VTI1B: variants seen among roughly 807,000 people sequenced by gnomAD.
VTI1B encodes vesicle transport through interaction with t-SNAREs homolog 1B.
In VTI1B, 18 loss-of-function variants were observed where a neutral mutation model predicts 28.6. The observed-to-expected ratio is 0.63, with a 90% CI of 0.43 to 0.93. The LOEUF (loss-of-function observed/expected upper bound fraction) is 0.93. Among genes scored for constraint, VTI1B ranks in the 40% least tolerant of loss-of-function variants. The probability of loss-of-function intolerance (pLI) is 0.00; values close to 1 mark genes in which losing one functional copy is unlikely to be tolerated. For missense variants in VTI1B, 283 were observed against 297.0 expected (o/e 0.95, Z 0.35); for synonymous variants, 100 against 107.9 (o/e 0.93, Z 0.46).
rs74386958 is a variant in VTI1B, at chr14:67,655,168, C to T, written c.540+1248G>A. 5.9e-5 allele frequency among the ~76,000 whole-genome samples: 9 copies of T among 151,992 alleles called. No homozygotes were observed. The South Asian group carries it at 8.3e-4, about 14-fold the overall frequency. On this transcript the variant is annotated intron_variant, in intron 4 of 5. Coordinates refer to ENST00000554659, the MANE Select transcript of VTI1B (RefSeq NM_006370.3). ...CAACTTTGGCAACATAATGAGACCC[C>T]GTTTTTACAAAAAATTAAAACAATT...
intron 4 of VTI1B, among the ~76,000 whole-genome samples, chr14:67,653,837 T>G (rs1031612215): frequency 6.6e-6 from 1 of 152,236 alleles, no homozygotes; most frequent in Non-Finnish European, 1.5e-5. Flanking sequence ...ACTTAAGATT[T>G]GAATTTCATC....
At position 67,674,418 on chromosome 14, in the gene VTI1B, G is replaced by A; in HGVS notation, c.72C>T (p.Asp24=). The A allele has an allele frequency of 1.2e-6, 2 of 1,607,894 alleles. No homozygotes were observed. Among genetic ancestry groups the A allele is most frequent in the Non-Finnish European group, 8.5e-7 (1 of 1,178,360 alleles). The change falls in exon 1 of 6, where the codon GAC becomes GAT. Residue 24 remains aspartate, a synonymous_variant. Coordinates refer to ENST00000554659, the MANE Select transcript of VTI1B (RefSeq NM_006370.3). The stretch of plus-strand genomic sequence containing the variant: ...GCAGCCGCTCGGGCACCCCTTGTAG[G>A]TCTTCATGGAGGCCGCGGAAGATCT... ...LHEIFRGLHE[D]LQGVPERLLG...
intron 1 of VTI1B, 74 bp downstream of exon 1, chr14:67,674,301 A>G (rs2037505856): frequency 3.7e-6 from 5 of 1,364,610 alleles, no homozygotes; most frequent in African/African-American, 1.5e-5. Context: ...CGGGTCTGGG[A>G]GGAAGGTGGG....
intron 2 of VTI1B, 141 bp from the exon 3 acceptor site, chr14:67,660,063 C>T: frequency 1.2e-6 from 1 of 819,878 alleles, no homozygotes; most frequent in East Asian, 2.8e-5. Context: ...AGGCAGGGAC[C>T]ATGTCTGGCA....
chr14:67,674,466 C>A lies in VTI1B; in HGVS notation c.24G>T (p.Ser8=). The change falls in exon 1 of 6, where the codon TCG becomes TCT. Residue 8 remains serine, a synonymous_variant. Transcript: ENST00000554659. The part of the protein sequence containing the change: MASSAAS[S]EHFEKLHEIF... ...TCTCGTGCAGCTTCTCGAAATGCTCCGAGGAGGCGGCGGAGGAGGCCATGG... is the reference window on the plus strand; with the variant it reads ...TCTCGTGCAGCTTCTCGAAATGCTCAGAGGAGGCGGCGGAGGAGGCCATGG... The A allele has an allele frequency of 6.2e-7, 1 of 1,607,696 alleles. No homozygotes were observed.
At chr14:67,658,863 C>T (rs1381571543) in intron 3 of VTI1B, among the ~76,000 whole-genome samples, 3 of 152,200 alleles carry the variant, frequency 2.0e-5, no homozygotes, top group African/African-American at 7.2e-5. Context: ...AAGCCAATAT[C>T]ATCCTGAATA....
At chr14:67,663,552 T>G (rs1201014627) in intron 1 of VTI1B, among the ~76,000 whole-genome samples, 1 of 151,310 alleles carries the variant, frequency 6.6e-6, no homozygotes, top group Non-Finnish European at 1.5e-5. Context: ...TGGGCGCCTG[T>G]ATTCCCAGCT....
intron 1 of VTI1B, among the ~76,000 whole-genome samples, chr14:67,672,300 G>A (rs2037474073): frequency 1.3e-5 from 2 of 151,486 alleles, no homozygotes; most frequent in African/African-American, 2.4e-5. Context: ...TTTATTTTTT[G>A]TAGAGATGAG....
At chr14:67,669,314 G>C (rs1262832823) in intron 1 of VTI1B, among the ~76,000 whole-genome samples, 1 of 150,174 alleles carries the variant, frequency 6.7e-6, no homozygotes, top group Non-Finnish European at 1.5e-5. Flanking sequence ...CTGTCACCCA[G>C]GTTGGAGTGC....
At chr14:67,657,957 C>G (rs150015048) in intron 3 of VTI1B, among the ~76,000 whole-genome samples, 2,387 of 152,076 alleles carry the variant, frequency 0.016, 75 homozygotes, top group African/African-American at 0.054. Flanking sequence ...CCATGTTGGC[C>G]AGGCTGGTCT....
At position 67,650,789 on chromosome 14, in the gene VTI1B, G is replaced by A. The variant is rs2037163881; in HGVS notation, c.*596C>T. The A allele has an allele frequency of 6.2e-7, 1 of 1,614,072 alleles. No homozygotes were observed. On this transcript the variant is annotated 3_prime_UTR_variant, in exon 6 of 6. Transcript: ENST00000554659. ...CTCAGAGGAAGAGGCGAAGACTACA[G>A]CTAACCTGGCAGTAGATGTGATTGC...
In VTI1B at chr14:67,651,031, C is replaced by T. The variant is rs1321655219; in HGVS notation, c.*354G>A. On this transcript the variant is annotated 3_prime_UTR_variant, in exon 6 of 6. Coordinates refer to ENST00000554659, the MANE Select transcript of VTI1B (RefSeq NM_006370.3). ...TGGGTCAATACTGCCTTAATGAGAACATTTACACATTCTCACAATTGTAAA... is the reference window on the plus strand; with the variant it reads ...TGGGTCAATACTGCCTTAATGAGAATATTTACACATTCTCACAATTGTAAA... 4 of 1,126,150 alleles carry T rather than the reference C, an allele frequency of 3.6e-6. No homozygotes were observed. The highest frequency in any genetic ancestry group is 2.1e-5 in the Admixed American group (1 of 47,642). 69.8% of individuals were successfully genotyped at this position (1,126,150 alleles called of 1,614,324 possible). A position where few individuals can be genotyped will look rare whatever the true frequency, so the allele number is the denominator to read the frequency against.
Position 67,674,630 on chromosome 14 carries a change from C to T in VTI1B, c.-141G>A. On this transcript the variant is annotated 5_prime_UTR_variant, in exon 1 of 6. Coordinates refer to ENST00000554659, the MANE Select transcript of VTI1B (RefSeq NM_006370.3). ...GCCCAGGACGAGGCTCTTCCGGAGC[C>T]GCGGCAGGGTCCTCTCGAGCCGGAA... 1.7e-6 allele frequency: 1 copy of T among 591,462 alleles called. No individual in the cohort carries two copies. 36.6% of individuals were successfully genotyped at this position (591,462 alleles called of 1,614,324 possible).
chr14:67,653,021 C>T (rs2037207318), intron 5 of VTI1B, among the ~76,000 whole-genome samples: 1 of 152,126 alleles, frequency 6.6e-6, no homozygotes, highest in Non-Finnish European at 1.5e-5. Context: ...GAACTCCTGA[C>T]CTTGTGATCT....
rs912753543 is a variant in VTI1B, at chr14:67,653,509, A to G, written c.541-11T>C. 6.2e-7 allele frequency: 1 copy of G among 1,611,712 alleles called. No individual in the cohort carries two copies. The highest frequency in any genetic ancestry group is 8.5e-7 in the Non-Finnish European group (1 of 1,177,904). Reference sequence around the variant, plus strand: ...ACTTGTGTTTACCAGCTGAGAAGAGAAAATAGTGATTATTTCCCTCTTTAA... The same window carrying G: ...ACTTGTGTTTACCAGCTGAGAAGAGGAAATAGTGATTATTTCCCTCTTTAA... On this transcript the variant is annotated splice_polypyrimidine_tract_variant and intron_variant, in intron 4 of 5. Coordinates refer to ENST00000554659, the MANE Select transcript of VTI1B (RefSeq NM_006370.3).
In VTI1B at chr14:67,648,249, CA is replaced by C; in HGVS notation, c.*3135del. On this transcript the variant is annotated 3_prime_UTR_variant, in exon 6 of 6. Coordinates refer to ENST00000554659, the MANE Select transcript of VTI1B (RefSeq NM_006370.3). The stretch of plus-strand genomic sequence containing the variant: ...TAAATATGCTAGAGTCTCTTGCCTG[CA>C]AAGGATCTTTTCTGCTATTCCACAT... 1.3e-6 allele frequency: 2 copies of C among 1,518,694 alleles called. No homozygotes were observed. The highest frequency in any genetic ancestry group is 2.3e-5 in the East Asian group (1 of 43,420). 94.1% of individuals were successfully genotyped at this position (1,518,694 alleles called of 1,614,324 possible).
intron 1 of VTI1B, among the ~76,000 whole-genome samples, chr14:67,666,902 T>TA (rs1263106335): frequency 2.0e-5 from 3 of 152,078 alleles, no homozygotes; most frequent in Non-Finnish European, 4.4e-5. Context: ...TAACAACTGG[T>TA]AAAATCTGTT....
chr14:67,661,594 G>A (rs1237578581), intron 2 of VTI1B, among the ~76,000 whole-genome samples: 1 of 143,812 alleles, frequency 7.0e-6, no homozygotes, highest in Non-Finnish European at 1.5e-5. Context: ...GTGCAGTGGT[G>A]CAACTGTGGC....
At position 67,649,226 on chromosome 14, in the gene VTI1B, A is replaced by C. The variant is rs1365872723; in HGVS notation, c.*2159T>G. 6.6e-6 allele frequency: 1 copy of C among 152,132 alleles called. No homozygotes were observed. Among genetic ancestry groups the C allele is most frequent in the Non-Finnish European group, 1.5e-5 (1 of 68,036 alleles). 9.4% of individuals were successfully genotyped at this position (152,132 alleles called of 1,614,324 possible). A position where few individuals can be genotyped will look rare whatever the true frequency, so the allele number is the denominator to read the frequency against. ...TCCTATGCTACAATATTTTACTCCA[A>C]AAGACACTCATGGGGCTAGGCACAG... On this transcript the variant is annotated 3_prime_UTR_variant, in exon 6 of 6. Transcript: ENST00000554659.
Sources: gnomAD v4.1 joint callset for allele counts (sites outside exome capture counted in the v4.1 genomes callset) on GRCh38, gnomAD v4.1.1 for gene constraint, MANE v1.5 for transcripts, NCBI Gene and HGNC (gene_info 2026-07-23, HGNC 2026-07-21) for gene names.